The following RFX2 variants were observed in gnomAD, a reference collection of about 807,000 sequenced individuals.
RFX2 encodes the protein DNA-binding protein RFX2.
A neutral mutation model predicts 87.8 loss-of-function variants in RFX2; 20 were observed. The ratio of observed to expected loss-of-function variants is 0.23; its 90% CI spans 0.16 to 0.33. The LOEUF (loss-of-function observed/expected upper bound fraction) is 0.33, where lower values mean the gene tolerates loss of function less well. Ranked by LOEUF, RFX2 falls within the 10% of genes least tolerant of loss-of-function variation. RFX2 has a pLI of 1.00. For synonymous variants in RFX2, 397 were observed against 431.3 expected (o/e 0.92, Z 0.98); for missense variants, 767 against 1,012.3 (o/e 0.76, Z 3.29).
intron 1 of RFX2, among the ~76,000 whole-genome samples, chr19:6,095,091 G>A (rs12974833): frequency 0.029 from 4,419 of 152,234 alleles, 65 homozygotes; most frequent in Non-Finnish European, 0.045. Flanking sequence ...CAGCCTGGGC[G>A]ACAGAGCAAG....
At chr19:6,029,052 C>A (rs1389456995) in intron 5 of RFX2, among the ~76,000 whole-genome samples, 2 of 150,508 alleles carry the variant, frequency 1.3e-5, no homozygotes, top group Non-Finnish European at 2.9e-5. Flanking sequence ...GCACTCCAGC[C>A]TGGCCAACAG....
chr19:6,006,888 G>C (rs564187599), intron 12 of RFX2, 124 bp downstream of exon 12: 19 of 1,129,280 alleles, frequency 1.7e-5, no homozygotes, highest in Non-Finnish European at 2.4e-5. Context: ...CACCGCGCCC[G>C]GCCACTTTTG....
chr19:6,028,425 G>T lies in RFX2; in HGVS notation c.523-2188C>A, dbSNP rs76097342. Among the ~76,000 whole-genome samples, 808 of 152,266 alleles carry T rather than the reference G, an allele frequency of 5.3e-3. 7 individuals carry two copies. The East Asian group carries it at 0.071, about 13-fold the overall frequency. ...TTTTAATAGCCTTTTCAGATAACTG[G>T]GGATATTTTTACTTGATACTATAGC... On this transcript the variant is annotated intron_variant, in intron 5 of 17. Transcript: ENST00000303657.
At chr19:6,052,489 A>C (rs532922843) in intron 1 of RFX2, among the ~76,000 whole-genome samples, 1 of 152,352 alleles carries the variant, frequency 6.6e-6, no homozygotes, top group African/African-American at 2.4e-5. Context: ...AATTAGAAGA[A>C]CTAAGCAGAA....
In RFX2 at chr19:5,997,205, A is replaced by G; in HGVS notation, c.1868T>C (p.Val623Ala). ...GCTGCGCAGGGTCAGGTCCCGGATC[A>G]CCATGGAGCTGGGGACAAGCGGACA... is the stretch of plus-strand genomic sequence containing the variant. The part of the protein sequence containing the change: ...LLKWSFYSSM[V>A]IRDLTLRSAA... Residue 623 changes from valine to alanine, a missense_variant, in exon 16 of 18, where the codon GTG becomes GCG. By Grantham distance (64) the Val-to-Ala change is moderately conservative. Around this residue, in one of 2 missense-constraint regions of RFX2, gnomAD observed 621 missense variants for 873.0 expected, o/e 0.71. Coordinates refer to ENST00000303657, the MANE Select transcript of RFX2 (RefSeq NM_000635.4). The surrounding 1 kb of genome is among the most constrained non-coding windows in gnomAD (Gnocchi z 4.2). The G allele has an allele frequency of 6.2e-7, 1 of 1,610,910 alleles. No individual in the cohort carries two copies. Among genetic ancestry groups the G allele is most frequent in the East Asian group, 2.2e-5 (1 of 44,850 alleles).
At chr19:6,059,243 G>A (rs1247153503) in intron 1 of RFX2, among the ~76,000 whole-genome samples, 1 of 152,120 alleles carries the variant, frequency 6.6e-6, no homozygotes, top group Non-Finnish European at 1.5e-5. Flanking sequence ...GCCTCCCAAA[G>A]TGCTGGGATT....
Position 6,063,456 on chromosome 19 carries a change from G to A in RFX2, c.-8-15952C>T, listed in dbSNP as rs1191017638. 7.9e-5 allele frequency among the ~76,000 whole-genome samples: 12 copies of A among 152,212 alleles called. No homozygotes were observed. ...CTCCTGCACACAACGCAGGGAGGGT[G>A]AGGATGGGGTCCATGCACCTGCCAG... On this transcript the variant is annotated intron_variant, in intron 1 of 17. Coordinates refer to ENST00000303657, the MANE Select transcript of RFX2 (RefSeq NM_000635.4). This position sits in a 1 kb window ranked among gnomAD's most constrained non-coding sequence, Gnocchi z 4.0.
In RFX2 at chr19:6,024,452, GTTTGT is replaced by G. The variant is rs998347493; in HGVS notation, c.597+1706_597+1710del. Among the ~76,000 whole-genome samples, 51 of 152,284 alleles carry G rather than the reference GTTTGT, an allele frequency of 3.3e-4. 1 individual carries two copies. Among genetic ancestry groups the G allele is most frequent in the African/African-American group, 1.1e-3 (46 of 41,554 alleles). ...GCACTGAGCAGGGGTCTGGCATGGT[GTTTGT>G]TTTGTTTTGTCTTTTTTGCTTCAAG... On this transcript the variant is annotated intron_variant, in intron 6 of 17. Transcript: ENST00000303657. The surrounding 1 kb of genome is among the most constrained non-coding windows in gnomAD (Gnocchi z 5.0).
At chr19:6,059,226 C>G (rs2144803853) in intron 1 of RFX2, among the ~76,000 whole-genome samples, 1 of 152,196 alleles carries the variant, frequency 6.6e-6, no homozygotes, top group Non-Finnish European at 1.5e-5. Flanking sequence ...GCAATCCTCC[C>G]ACCTCGGCCT....
chr19:6,096,400 AG>A (rs1484571955), intron 1 of RFX2, among the ~76,000 whole-genome samples: 4 of 152,114 alleles, frequency 2.6e-5, no homozygotes, highest in Admixed American at 2.6e-4. Context: ...GTATGCTCAT[AG>A]TTGATACTGC....
chr19:6,013,468 G>A lies in RFX2; in HGVS notation c.780-363C>T, dbSNP rs1190974965. Among the ~76,000 whole-genome samples, 1 of 150,960 alleles carries A rather than the reference G, an allele frequency of 6.6e-6. No homozygotes were observed. Among genetic ancestry groups the A allele is most frequent in the African/African-American group, 2.4e-5 (1 of 40,902 alleles). ...CCCAAAGTGCTGGGATTACAGGCGT[G>A]AGCCACTGCGCCTGGCCTCTTCTCT... On this transcript the variant is annotated intron_variant, in intron 7 of 17. Coordinates refer to ENST00000303657, the MANE Select transcript of RFX2 (RefSeq NM_000635.4). This position sits in a 1 kb window ranked among gnomAD's most constrained non-coding sequence, Gnocchi z 4.1.
intron 16 of RFX2, 123 bp downstream of exon 16, chr19:5,996,937 C>T: frequency 1.9e-6 from 2 of 1,030,104 alleles, no homozygotes; most frequent in Non-Finnish European, 2.8e-6. Context: ...CGAGCTGCAG[C>T]TCTGTCCGGG....
At chr19:6,049,009 G>A (rs1197531592) in intron 1 of RFX2, 1 of 151,952 alleles carries the variant, frequency 6.6e-6, no homozygotes, top group Non-Finnish European at 1.5e-5. Context: ...CACGGTGATT[G>A]GCTGGGGCGT....
At chr19:6,000,900 C>T (rs2086481822) in intron 15 of RFX2, among the ~76,000 whole-genome samples, 1 of 152,218 alleles carries the variant, frequency 6.6e-6, no homozygotes, top group Non-Finnish European at 1.5e-5. Flanking sequence ...TTGTTTTTTC[C>T]TGGGGTAATA....
In RFX2 at chr19:6,010,299, C is replaced by A. The variant is rs376788277; in HGVS notation, c.900-48G>T. ...ATCATGAGGCCCAGCAGCCCTGCTG[C>A]GGGTGGGCCCAAAGACTGGGGGGCT... is the stretch of plus-strand genomic sequence containing the variant. On this transcript the variant is annotated intron_variant, in intron 8 of 17. Transcript: ENST00000303657. The surrounding 1 kb of genome is among the most constrained non-coding windows in gnomAD (Gnocchi z 5.0). 2.3e-6 allele frequency: 3 copies of A among 1,287,840 alleles called. No homozygotes were observed. In the Admixed American group the frequency reaches 6.0e-5, roughly 26 times the overall value. 79.8% of individuals were successfully genotyped at this position (1,287,840 alleles called of 1,614,324 possible).
chr19:6,028,806 G>A (rs73555670), intron 5 of RFX2, among the ~76,000 whole-genome samples: 21,467 of 152,184 alleles, frequency 0.14, 4,712 homozygotes, highest in African/African-American at 0.47. Flanking sequence ...CGGGCACGGT[G>A]GCTCACGCCT....
Position 6,002,620 on chromosome 19 carries a change from G to T in RFX2, c.1650+101C>A. 1 of 1,453,340 alleles carries T rather than the reference G, an allele frequency of 6.9e-7. No homozygotes were observed. Among genetic ancestry groups the T allele is most frequent in the Non-Finnish European group, 9.5e-7 (1 of 1,055,566 alleles). 90.0% of individuals were successfully genotyped at this position (1,453,340 alleles called of 1,614,324 possible). Reference sequence around the variant, plus strand: ...TGCAACAGAACCGTGGCCAGGCTCGGGGCAGGGGCCAGGTTGTGCCACGGG... The same window carrying T: ...TGCAACAGAACCGTGGCCAGGCTCGTGGCAGGGGCCAGGTTGTGCCACGGG... On this transcript the variant is annotated intron_variant, in intron 14 of 17. Transcript: ENST00000303657. The surrounding 1 kb of genome is among the most constrained non-coding windows in gnomAD (Gnocchi z 6.7).
At chr19:6,106,230 C>CCCATCCATCCATCCAT (rs56665747) in intron 1 of RFX2, among the ~76,000 whole-genome samples, 3 of 149,960 alleles carry the variant, frequency 2.0e-5, no homozygotes, top group African/African-American at 2.5e-5. Flanking sequence ...CATCGGCCTG[C>CCCATCCATCCATCCAT]CCATCCATCC....
In RFX2 at chr19:5,999,920, G is replaced by A. The variant is rs1466549590; in HGVS notation, c.1859+1895C>T. Among the ~76,000 whole-genome samples the A allele has an allele frequency of 6.6e-6, 1 of 152,138 alleles. No homozygotes were observed. Among genetic ancestry groups the A allele is most frequent in the African/African-American group, 2.4e-5 (1 of 41,436 alleles). On this transcript the variant is annotated intron_variant, in intron 15 of 17. Coordinates refer to ENST00000303657, the MANE Select transcript of RFX2 (RefSeq NM_000635.4). This position sits in a 1 kb window ranked among gnomAD's most constrained non-coding sequence, Gnocchi z 4.1. ...TGAGGCAGCGTGGCCAGGGGAGTGTGTAAGGAGACAGCTGAGAACAGGGGT... is the reference window on the plus strand; with the variant it reads ...TGAGGCAGCGTGGCCAGGGGAGTGTATAAGGAGACAGCTGAGAACAGGGGT...
Sources: allele counts gnomAD v4.1 joint callset (sites outside exome capture counted in the v4.1 genomes callset), GRCh38; gene constraint gnomAD v4.1.1; regional missense constraint gnomAD v4.1.1; non-coding constraint Gnocchi (gnomAD v3.1); transcripts MANE v1.5; gene names NCBI Gene and HGNC (gene_info 2026-07-23, HGNC 2026-07-21).